PCDHA4: variants seen among roughly 807,000 people sequenced by gnomAD.
PCDHA4 encodes protocadherin alpha 4.
Under a neutral mutation model 61.4 loss-of-function variants are expected in PCDHA4, and 49 were observed. The observed-to-expected ratio is 0.80, with a 90% CI of 0.63 to 1.01. The LOEUF is 1.01. Ranked by LOEUF, PCDHA4 falls within the 50% of genes least tolerant of loss-of-function variation. PCDHA4 has a pLI of 0.00. For synonymous variants in PCDHA4, 590 were observed against 550.3 expected, an observed-to-expected ratio of 1.07 and a Z score of -1.01; for missense variants, 1,254 against 1,235.8, an observed-to-expected ratio of 1.01 and a Z score of -0.22.
At chr5:141,001,822 TGACAGAGAGGGA>T (rs541215764) in intron 3 of PCDHA4, among the ~76,000 whole-genome samples, 203 of 152,310 alleles carry the variant, frequency 1.3e-3, no homozygotes, top group African/African-American at 4.5e-3. Context: ...GGCCAAATTC[TGACAGAGAGGGA>T]GACAGAGAGA....
At chr5:140,832,585 T>G (rs1306103831) in intron 1 of PCDHA4, among the ~76,000 whole-genome samples, 1 of 152,188 alleles carries the variant, frequency 6.6e-6, no homozygotes, top group Admixed American at 6.5e-5. Flanking sequence ...TCTTAGGAAG[T>G]AGAGAACTAT....
intron 1 of PCDHA4, among the ~76,000 whole-genome samples, chr5:140,934,231 C>T (rs2089713851): frequency 6.6e-6 from 1 of 152,014 alleles, no homozygotes; most frequent in African/African-American, 2.4e-5. Context: ...AAGATTTGTA[C>T]TTAATTGTGG....
chr5:141,006,872 G>T (rs1211849672), intron 3 of PCDHA4, among the ~76,000 whole-genome samples: 1 of 152,144 alleles, frequency 6.6e-6, no homozygotes, highest in Non-Finnish European at 1.5e-5. Flanking sequence ...ATAGATTCGA[G>T]GAATCAAGAG....
At chr5:141,004,952 C>T (rs543938360) in intron 3 of PCDHA4, among the ~76,000 whole-genome samples, 52 of 152,346 alleles carry the variant, frequency 3.4e-4, no homozygotes, top group African/African-American at 1.2e-3. Context: ...TACCCTCTCT[C>T]GTCACTGCCT....
chr5:140,956,852 G>A (rs931766503), intron 1 of PCDHA4, among the ~76,000 whole-genome samples: 1 of 152,062 alleles, frequency 6.6e-6, no homozygotes. Flanking sequence ...TGGGTTAAAT[G>A]GTTGAATGAA....
intron 1 of PCDHA4, chr5:140,836,768 A>G: frequency 9.0e-6 from 14 of 1,555,112 alleles, no homozygotes; most frequent in Non-Finnish European, 1.2e-5. Flanking sequence ...GTTTCCAACA[A>G]TTTTAAAACA....
At chr5:140,943,356 A>G (rs965090658) in intron 1 of PCDHA4, among the ~76,000 whole-genome samples, 2 of 152,014 alleles carry the variant, frequency 1.3e-5, no homozygotes, top group Non-Finnish European at 2.9e-5. Flanking sequence ...GAGTAGAGGA[A>G]AGGAGATCAT....
chr5:140,857,687 A>C, intron 1 of PCDHA4: 1 of 1,597,130 alleles, frequency 6.3e-7, no homozygotes, highest in South Asian at 1.1e-5. Context: ...TCTGGGCAGC[A>C]ACTTGACGCT....
At chr5:140,876,647 A>T in intron 1 of PCDHA4, 1 of 1,614,178 alleles carries the variant, frequency 6.2e-7, no homozygotes, top group Non-Finnish European at 8.5e-7. Flanking sequence ...CTGACACCTC[A>T]TGTTCCCTTC....
At chr5:140,829,268 G>C (rs2150164967) in intron 1 of PCDHA4, 4 of 1,614,210 alleles carry the variant, frequency 2.5e-6, no homozygotes, top group East Asian at 2.2e-5. Flanking sequence ...GACGCCTCAC[G>C]TCCCTTTCAA....
chr5:140,897,199 A>G (rs760377746), intron 1 of PCDHA4, among the ~76,000 whole-genome samples: 1 of 152,030 alleles, frequency 6.6e-6, no homozygotes, highest in Admixed American at 6.6e-5. Flanking sequence ...TTTTTTTATT[A>G]TACTTTAAGT....
At chr5:140,927,729 G>C (rs2084563367) in intron 1 of PCDHA4, 1 of 1,614,098 alleles carries the variant, frequency 6.2e-7, no homozygotes, top group South Asian at 1.1e-5. Context: ...CGCAAGCAGA[G>C]CTGCGACACC....
chr5:140,883,406 G>A, intron 1 of PCDHA4: 2 of 1,614,156 alleles, frequency 1.2e-6, no homozygotes, highest in South Asian at 2.2e-5. Context: ...TCGTGACTCT[G>A]GCTCAAATGG....
intron 1 of PCDHA4, among the ~76,000 whole-genome samples, chr5:140,873,284 T>C (rs1554166661): frequency 1.3e-5 from 2 of 152,208 alleles, no homozygotes; most frequent in Non-Finnish European, 2.9e-5. Context: ...ATACCACTTA[T>C]GAAACTTTAT....
chr5:140,807,444 T>C lies in PCDHA4; in HGVS notation c.257T>C (p.Val86Ala). The change falls in exon 1 of 4, where the codon GTG (valine) becomes GCG (alanine). Residue 86 changes from valine to alanine, a missense_variant. Physicochemically the swap from Val to Ala is moderately conservative, Grantham distance 64 (BLOSUM62 0). Coordinates refer to ENST00000530339, the MANE Select transcript of PCDHA4 (RefSeq NM_018907.4). ...EVNLQNGILFVNSRIDREELC... is the reference protein window; with the variant it reads ...EVNLQNGILFANSRIDREELC... ...AATCTGCAGAATGGCATTTTGTTTG[T>C]GAATTCTCGGATCGACCGGGAGGAG... 2 of 1,604,430 alleles carry C rather than the reference T, an allele frequency of 1.2e-6. No homozygotes were observed. The highest frequency in any genetic ancestry group is 1.7e-6 in the Non-Finnish European group (2 of 1,176,770).
At chr5:140,849,879 G>T (rs1554143450) in intron 1 of PCDHA4, 2 of 1,598,636 alleles carry the variant, frequency 1.3e-6, no homozygotes, top group Admixed American at 1.7e-5. Context: ...CGAGTACACG[G>T]TGTTCGTGAA....
At chr5:140,940,557 T>C (rs1554213484) in intron 1 of PCDHA4, among the ~76,000 whole-genome samples, 1 of 152,204 alleles carries the variant, frequency 6.6e-6, no homozygotes. Context: ...CAAGTGATTC[T>C]CCTACCTTGG....
chr5:140,822,942 G>A, intron 1 of PCDHA4: 2 of 1,614,212 alleles, frequency 1.2e-6, no homozygotes, highest in African/African-American at 1.3e-5. Context: ...GCTCCCTAAT[G>A]CCCCACGTTC....
chr5:140,842,467 C>T (rs1554139064), intron 1 of PCDHA4: 3 of 1,613,802 alleles, frequency 1.9e-6, no homozygotes, highest in East Asian at 2.2e-5. Context: ...CAGGTGCCAA[C>T]GGGCAGGTGA....
Sources: allele counts gnomAD v4.1 joint callset (sites outside exome capture counted in the v4.1 genomes callset), GRCh38; gene constraint gnomAD v4.1.1; transcripts MANE v1.5; gene names NCBI Gene and HGNC (gene_info 2026-07-23, HGNC 2026-07-21).